Variants in NCAM1 observed in about 807,000 individuals in gnomAD.
NCAM1 encodes the protein antigen recognized by monoclonal antibody 5.1H11.
NCAM1 carries 14 observed loss-of-function variants against 109.8 expected under a neutral mutation model. The ratio of observed to expected loss-of-function variants is 0.13; its 90% confidence interval spans 0.08 to 0.20. NCAM1 has a LOEUF of 0.20. NCAM1 is among the 10% of genes least tolerant of loss of function. The pLI is 1.00. For missense variants in NCAM1, 774 were observed against 1,109.9 expected (o/e 0.70, Z 4.30); for synonymous variants, 418 against 442.9 (o/e 0.94, Z 0.70).
At chr11:113,232,583 T>G (rs946437569) in intron 11 of NCAM1, 135 bp from the exon 12 acceptor site, 87 of 842,026 alleles carry the variant, frequency 1.0e-4, no homozygotes, top group Non-Finnish European at 1.5e-4. Context: ...TTTTCTCTTG[T>G]TTAAGGCTGG....
chr11:113,264,806 G>A, intron 17 of NCAM1: 2 of 985,446 alleles, frequency 2.0e-6, no homozygotes, highest in Non-Finnish European at 2.4e-6. Context: ...GTCCTCAAGG[G>A]TCCCATTTAG....
rs11214480 is a variant in NCAM1 at position 113,089,121 on chromosome 11, C to T, written c.53-113258C>T. 1.0e-2 allele frequency among the ~76,000 whole-genome samples: 1,520 copies of T among 152,144 alleles called. 22 individuals carry two copies. Among genetic ancestry groups the T allele is most frequent in the African/African-American group, 0.035 (1,439 of 41,524 alleles). ...CAAGGTCAAAAGTTTGAGACCAGCC[C>T]GGCCAACATGGTGAAACCCTGTCTC... On this transcript the variant is annotated intron_variant, in intron 1 of 19. Transcript: ENST00000316851.
intron 6 of NCAM1, among the ~76,000 whole-genome samples, 173 bp from the exon 7 acceptor site, chr11:113,207,660 G>A (rs1944275862): frequency 6.6e-6 from 1 of 152,108 alleles, no homozygotes; most frequent in Admixed American, 6.6e-5. Context: ...GTCAGAGGAT[G>A]GAATAGAGGA....
At position 113,247,672 on chromosome 11, in the gene NCAM1, T is replaced by C. The variant is rs188248497; in HGVS notation, c.1828+1302T>C. 3.4e-3 allele frequency among the ~76,000 whole-genome samples: 524 copies of C among 152,300 alleles called. 1 individual carries two copies. The highest frequency in any genetic ancestry group is 0.013 in the South Asian group (63 of 4,828). On this transcript the variant is annotated intron_variant, in intron 15 of 19. Transcript: ENST00000316851. ...ATTTCCAAAAAGGCGATATTGGGTA[T>C]GTACATTGCATGAAATAAAGTGGGA...
At chr11:113,015,858 C>T (rs1163808009) in intron 1 of NCAM1, among the ~76,000 whole-genome samples, 1 of 152,138 alleles carries the variant, frequency 6.6e-6, no homozygotes, top group African/African-American at 2.4e-5. Flanking sequence ...GAGTCAGTGC[C>T]TCTGTCTTAG....
chr11:113,171,135 A>C (rs1555106151), intron 1 of NCAM1, among the ~76,000 whole-genome samples: 1 of 152,196 alleles, frequency 6.6e-6, no homozygotes, highest in Non-Finnish European at 1.5e-5. Flanking sequence ...TCGCCACTAC[A>C]AAACTCTCAG....
chr11:113,249,934 C>T (rs1319591737), intron 15 of NCAM1, among the ~76,000 whole-genome samples: 1 of 152,142 alleles, frequency 6.6e-6, no homozygotes, highest in Non-Finnish European at 1.5e-5. Context: ...GACCAGATGC[C>T]TTAGTGAGTG....
At chr11:113,025,807 GA>G (rs1555077189) in intron 1 of NCAM1, among the ~76,000 whole-genome samples, 1 of 150,734 alleles carries the variant, frequency 6.6e-6, no homozygotes, top group Admixed American at 6.6e-5. Flanking sequence ...GAGAGAGAGA[GA>G]GAGAGAGAGA....
chr11:113,042,421 G>A (rs1555080106), intron 1 of NCAM1, among the ~76,000 whole-genome samples: 1 of 152,114 alleles, frequency 6.6e-6, no homozygotes, highest in Non-Finnish European at 1.5e-5. Flanking sequence ...GTTCTCCTCT[G>A]GTTTGCCTTC....
chr11:112,986,093 T>G (rs1313328538), intron 1 of NCAM1, among the ~76,000 whole-genome samples: 2 of 152,014 alleles, frequency 1.3e-5, no homozygotes, highest in Non-Finnish European at 2.9e-5. Context: ...CTTCTATACC[T>G]AATTTGTTGA....
At chr11:113,087,659 G>T (rs1395439339) in intron 1 of NCAM1, among the ~76,000 whole-genome samples, 1 of 152,210 alleles carries the variant, frequency 6.6e-6, no homozygotes, top group Non-Finnish European at 1.5e-5. Context: ...TCGATAGAGG[G>T]TGAGTATGAG....
chr11:113,195,221 C>T (rs1943816146), intron 1 of NCAM1, among the ~76,000 whole-genome samples: 1 of 152,180 alleles, frequency 6.6e-6, no homozygotes, highest in South Asian at 2.1e-4. Context: ...TTACTATCAA[C>T]AGTAGCTTAA....
intron 14 of NCAM1, chr11:113,242,922 T>TGTAATCTAGAAAACAACA: frequency 6.2e-7 from 1 of 1,609,206 alleles, no homozygotes; most frequent in Non-Finnish European, 8.5e-7. Context: ...ATTACAGCGC[T>TGTAATCTAGAAAACAACA]GCCTGTTGTT....
intron 1 of NCAM1, among the ~76,000 whole-genome samples, chr11:112,983,554 C>G (rs782247706): frequency 1.1e-4 from 16 of 151,796 alleles, no homozygotes; most frequent in Non-Finnish European, 1.9e-4. Flanking sequence ...AGGCTGGCAT[C>G]TAATGTGGGC....
At chr11:113,083,901 G>T (rs1555087775) in intron 1 of NCAM1, among the ~76,000 whole-genome samples, 1 of 151,986 alleles carries the variant, frequency 6.6e-6, no homozygotes, top group Non-Finnish European at 1.5e-5. Context: ...GTTTGTCCCT[G>T]GTCTCAGTAA....
At chr11:113,051,967 G>C (rs1360965149) in intron 1 of NCAM1, among the ~76,000 whole-genome samples, 1 of 152,198 alleles carries the variant, frequency 6.6e-6, no homozygotes, top group Non-Finnish European at 1.5e-5. Flanking sequence ...TAAGTTCTAG[G>C]TACCGCACTG....
chr11:113,070,519 G>T (rs1482528631), intron 1 of NCAM1, among the ~76,000 whole-genome samples: 2 of 152,138 alleles, frequency 1.3e-5, no homozygotes, highest in African/African-American at 4.8e-5. Flanking sequence ...ATCAGGCAGT[G>T]TAAAGGGAAA....
rs1946328803 is a variant in NCAM1 at position 113,273,308 on chromosome 11, T to C, written c.2456+1432T>C. The C allele has an allele frequency of 2.9e-6, 1 of 346,816 alleles. No individual in the cohort carries two copies. The allele number at this position is 346,816 out of a possible 1,614,324, so 21.5% of individuals were successfully genotyped here. ...TCCTCAGCCCAAGCGCCCCTGCTGG[T>C]GTCGGGGAGGCCTCTAAGGCTCCTC... On this transcript the variant is annotated intron_variant, in intron 19 of 19. Transcript: ENST00000316851. This position sits in a 1 kb window ranked among gnomAD's most constrained non-coding sequence, Gnocchi z 6.0.
rs551537525 is a variant in NCAM1 at position 113,263,074 on chromosome 11, A to G, written c.2131+2751A>G. On this transcript the variant is annotated intron_variant, in intron 17 of 19. Transcript: ENST00000316851. Reference sequence around the variant, plus strand: ...GAAGAGAAGGTTTTGTGATTGGAAAAAGCTTTACCTCCAGACATGTCACCA... The same window carrying G: ...GAAGAGAAGGTTTTGTGATTGGAAAGAGCTTTACCTCCAGACATGTCACCA... 1.7e-4 allele frequency: 232 copies of G among 1,400,766 alleles called. 2 individuals are homozygous for G. In the South Asian group the frequency reaches 3.8e-3, roughly 23 times the overall value. The allele number at this position is 1,400,766 out of a possible 1,614,324, so 86.8% of individuals were successfully genotyped here. A position where few individuals can be genotyped will look rare whatever the true frequency, so the allele number is the denominator to read the frequency against.
Sources: gnomAD v4.1 joint callset for allele counts (sites outside exome capture counted in the v4.1 genomes callset) on GRCh38, gnomAD v4.1.1 for gene constraint, Gnocchi (gnomAD v3.1) non-coding constraint, MANE v1.5 for transcripts, NCBI Gene and HGNC (gene_info 2026-07-23, HGNC 2026-07-21) for gene names.